The following OR4N2 variants were observed in gnomAD, a reference collection of about 807,000 sequenced individuals.
The protein encoded by OR4N2 is olfactory receptor 4N2.
For missense variants in OR4N2, 307 were observed against 377.6 expected (o/e 0.81, Z 1.55); for synonymous variants, 141 against 140.4 (o/e 1.00, Z -0.03).
intron 1 of OR4N2, among the ~76,000 whole-genome samples, chr14:19,814,252 TG>T (rs1879372019): frequency 6.6e-6 from 1 of 152,262 alleles, no homozygotes; most frequent in African/African-American, 2.4e-5. Context: ...TTGTTTTAGT[TG>T]AGCAGAGTGA....
At position 19,805,737 on chromosome 14, in the gene OR4N2, G is replaced by C. The variant is rs568345967; in HGVS notation, c.-10+1893G>C. Among the ~76,000 whole-genome samples, 7 of 152,202 alleles carry C rather than the reference G, an allele frequency of 4.6e-5. No homozygotes were observed. The South Asian group carries it at 1.4e-3, about 32-fold the overall frequency. ...GATATGCAAATCCAAGAAATAGAGA[G>C]AACCCTGGCTAGATATCGTACGAGA... is the stretch of plus-strand genomic sequence containing the variant. On this transcript the variant is annotated intron_variant, in intron 1 of 1. Coordinates refer to ENST00000557677, the MANE Select transcript of OR4N2 (RefSeq NM_001004723.3).
intron 1 of OR4N2, among the ~76,000 whole-genome samples, chr14:19,811,891 A>C (rs1413547005): frequency 2.6e-5 from 4 of 152,278 alleles, no homozygotes; most frequent in Admixed American, 1.3e-4. Flanking sequence ...ATTAGGAAGA[A>C]TGCAAGTATA....
intron 1 of OR4N2, among the ~76,000 whole-genome samples, chr14:19,820,347 T>C (rs1207437331): frequency 1.3e-5 from 2 of 152,284 alleles, no homozygotes; most frequent in East Asian, 1.9e-4. Context: ...TGTCTGCTCT[T>C]AATTCTCTAG....
At chr14:19,819,380 G>A (rs191434081) in intron 1 of OR4N2, among the ~76,000 whole-genome samples, 415 of 152,138 alleles carry the variant, frequency 2.7e-3, no homozygotes, top group African/African-American at 8.9e-3. Context: ...GGATTTGTTC[G>A]TTCCTTTTCA....
chr14:19,814,479 C>G (rs561237023), intron 1 of OR4N2, among the ~76,000 whole-genome samples: 3 of 152,072 alleles, frequency 2.0e-5, no homozygotes, highest in African/African-American at 7.2e-5. Flanking sequence ...ATCTCGCATG[C>G]AAAATTTAAA....
intron 1 of OR4N2, among the ~76,000 whole-genome samples, chr14:19,810,891 A>G (rs1879279114): frequency 6.6e-6 from 1 of 152,266 alleles, no homozygotes; most frequent in Non-Finnish European, 1.5e-5. Flanking sequence ...ATAATAAGGG[A>G]ATATAAAGAA....
At chr14:19,826,900 TAAG>T (rs1370319284) in intron 1 of OR4N2, among the ~76,000 whole-genome samples, 2 of 152,090 alleles carry the variant, frequency 1.3e-5, no homozygotes, top group South Asian at 2.1e-4. Flanking sequence ...AGGAGTATAA[TAAG>T]AAGTAAATTA....
intron 1 of OR4N2, among the ~76,000 whole-genome samples, chr14:19,813,137 T>C (rs1367430464): frequency 6.6e-6 from 1 of 152,234 alleles, no homozygotes; most frequent in African/African-American, 2.4e-5. Context: ...ATATGCACAA[T>C]TATGAAAAAA....
chr14:19,828,516 C>T lies in OR4N2; in HGVS notation c.*144C>T, dbSNP rs772989784. On this transcript the variant is annotated 3_prime_UTR_variant, in exon 2 of 2. Coordinates refer to ENST00000557677, the MANE Select transcript of OR4N2 (RefSeq NM_001004723.3). Reference sequence around the variant, plus strand: ...GAACTGAAAAAAGAAATTACTGAGGCAGATAAGGTCCATCTGCTCTCCAAG... The same window carrying T: ...GAACTGAAAAAAGAAATTACTGAGGTAGATAAGGTCCATCTGCTCTCCAAG... 21 of 843,366 alleles carry T rather than the reference C, an allele frequency of 2.5e-5. No individual in the cohort carries two copies. The highest frequency in any genetic ancestry group is 3.1e-4 in the Middle Eastern group (1 of 3,264). The allele number at this position is 843,366 out of a possible 1,614,324, so 52.2% of individuals were successfully genotyped here. A position where few individuals can be genotyped will look rare whatever the true frequency, so the allele number is the denominator to read the frequency against.
At chr14:19,812,141 AC>A (rs1879310529) in intron 1 of OR4N2, among the ~76,000 whole-genome samples, 1 of 152,186 alleles carries the variant, frequency 6.6e-6, no homozygotes, top group Non-Finnish European at 1.5e-5. Flanking sequence ...ACAACTATTA[AC>A]TCTGAAAAAC....
chr14:19,813,134 C>T (rs1879343093), intron 1 of OR4N2, among the ~76,000 whole-genome samples: 1 of 152,172 alleles, frequency 6.6e-6, no homozygotes, highest in Admixed American at 6.5e-5. Flanking sequence ...ATTATATGCA[C>T]AATTATGAAA....
Position 19,823,309 on chromosome 14 carries a change from T to TA in OR4N2, c.-9-4123dup, listed in dbSNP as rs200379051. Among the ~76,000 whole-genome samples, 490 of 152,104 alleles carry TA rather than the reference T, an allele frequency of 3.2e-3. 2 individuals are homozygous for TA. The highest frequency in any genetic ancestry group is 4.9e-3 in the Non-Finnish European group (336 of 67,950). On this transcript the variant is annotated intron_variant, in intron 1 of 1. Coordinates refer to ENST00000557677, the MANE Select transcript of OR4N2 (RefSeq NM_001004723.3). ...ACTAATGAAATTAACTTCTTTTTTT[T>TA]AAAAAAAAGGTGAATCATCTCATTT...
At chr14:19,810,609 G>A (rs964586573) in intron 1 of OR4N2, among the ~76,000 whole-genome samples, 1 of 152,152 alleles carries the variant, frequency 6.6e-6, no homozygotes, top group African/African-American at 2.4e-5. Flanking sequence ...AGAAAATGTG[G>A]TACATAGACA....
intron 1 of OR4N2, among the ~76,000 whole-genome samples, chr14:19,824,210 CTT>C (rs1382431722): frequency 1.3e-5 from 2 of 151,998 alleles, no homozygotes; most frequent in African/African-American, 4.8e-5. Flanking sequence ...TTGGCAGAAA[CTT>C]ATTTTATTTT....
At chr14:19,811,994 CTATT>C (rs1473986928) in intron 1 of OR4N2, among the ~76,000 whole-genome samples, 42 of 152,172 alleles carry the variant, frequency 2.8e-4, no homozygotes, top group African/African-American at 1.4e-4. Context: ...AAATAAAAAT[CTATT>C]TATTCATAGA....
chr14:19,828,212 T>A lies in OR4N2; in HGVS notation c.764T>A (p.Ile255Asn). Residue 255 changes from isoleucine to asparagine, a missense_variant, in exon 2 of 2, where the codon ATC (isoleucine) becomes AAC (asparagine). By Grantham distance (149) the Ile-to-Asn change is moderately radical. Transcript: ENST00000557677. ...ATATTCTTCATGTTTGGACCTGGCA[T>A]CTTCATCTACACGCGCCCCTTCAGG... is the stretch of plus-strand genomic sequence containing the variant. ...IVIFFMFGPGIFIYTRPFRAF... is the reference protein window; with the variant it reads ...IVIFFMFGPGNFIYTRPFRAF... 2 of 1,613,806 alleles carry A rather than the reference T, an allele frequency of 1.2e-6. No homozygotes were observed. Among genetic ancestry groups the A allele is most frequent in the Non-Finnish European group, 8.5e-7 (1 of 1,179,918 alleles).
At chr14:19,804,427 A>G (rs550925708) in intron 1 of OR4N2, among the ~76,000 whole-genome samples, 3 of 152,294 alleles carry the variant, frequency 2.0e-5, no homozygotes, top group South Asian at 4.1e-4. Context: ...GTTTCAAAGA[A>G]TTTCTTGACT....
chr14:19,816,236 A>G (rs1401881577), intron 1 of OR4N2, among the ~76,000 whole-genome samples: 3 of 152,356 alleles, frequency 2.0e-5, no homozygotes, highest in Admixed American at 1.3e-4. Flanking sequence ...TTCTGTGAAG[A>G]AAGTCAGTGG....
chr14:19,812,524 GT>G (rs1242756495), intron 1 of OR4N2, among the ~76,000 whole-genome samples: 3 of 151,634 alleles, frequency 2.0e-5, no homozygotes, highest in Non-Finnish European at 4.4e-5. Context: ...TTGTTTGTTT[GT>G]TTTTTGTATT....
Sources: gnomAD v4.1 joint callset for allele counts (sites outside exome capture counted in the v4.1 genomes callset) on GRCh38, gnomAD v4.1.1 for gene constraint, MANE v1.5 for transcripts, NCBI Gene and HGNC (gene_info 2026-07-23, HGNC 2026-07-21) for gene names.